CEP350: variants seen among roughly 807,000 people sequenced by gnomAD.
The protein encoded by CEP350 is centrosomal protein 350.
A neutral mutation model predicts 331.8 loss-of-function variants in CEP350; 126 were observed. The ratio of observed to expected loss-of-function variants is 0.38; its 90% CI spans 0.33 to 0.44. The LOEUF (loss-of-function observed/expected upper bound fraction) is 0.44. Ranked by LOEUF, CEP350 falls within the 20% of genes least tolerant of loss-of-function variation. The probability of loss-of-function intolerance (pLI) is 1.00; values close to 1 mark genes in which losing one functional copy is unlikely to be tolerated. For missense variants in CEP350, 3,406 were observed against 3,634.6 expected, an observed-to-expected ratio of 0.94 and a Z score of 1.62; for synonymous variants, 1,200 against 1,259.5, an observed-to-expected ratio of 0.95 and a Z score of 1.00.
intron 7 of CEP350, among the ~76,000 whole-genome samples, chr1:180,004,292 C>T (rs1036354443): frequency 6.6e-6 from 1 of 152,118 alleles, no homozygotes; most frequent in Non-Finnish European, 1.5e-5. Context: ...TCTCTTGTTA[C>T]GGTAGATGAA....
intron 37 of CEP350, among the ~76,000 whole-genome samples, chr1:180,099,293 G>A (rs1660659650): frequency 6.6e-6 from 1 of 152,148 alleles, no homozygotes; most frequent in South Asian, 2.1e-4. Context: ...GACTGCCCAT[G>A]TTTAAATCTC....
At chr1:180,066,646 G>A (rs1240375696) in intron 27 of CEP350, among the ~76,000 whole-genome samples, 2 of 152,112 alleles carry the variant, frequency 1.3e-5, no homozygotes, top group African/African-American at 4.8e-5. Context: ...AATATAAGAG[G>A]TGAAACCAAA....
At chr1:180,058,601 G>A (rs1658001754) in intron 25 of CEP350, among the ~76,000 whole-genome samples, 2 of 152,134 alleles carry the variant, frequency 1.3e-5, no homozygotes, top group African/African-American at 4.8e-5. Context: ...GGTTTCATCT[G>A]TATTTATCTA....
rs138741017 is a variant in CEP350, at chr1:180,014,311, G to A, written c.1858G>A (p.Glu620Lys). 42 of 1,591,808 alleles carry A rather than the reference G, an allele frequency of 2.6e-5. No individual in the cohort carries two copies. The highest frequency in any genetic ancestry group is 3.2e-5 in the Non-Finnish European group (37 of 1,168,880). ...KQNEEKKAQK[E>K]ATEQKNKRLQ... ...AAATGAAGAGAAGAAGGCTCAAAAG[G>A]AGGCTACAGAACAGAAAAACAAACG... Residue 620 changes from glutamate to lysine, a missense_variant, in exon 10 of 38, where the codon GAG becomes AAG. Coordinates refer to ENST00000367607, the MANE Select transcript of CEP350 (RefSeq NM_014810.5).
chr1:180,104,170 C>T (rs971362455), intron 37 of CEP350, among the ~76,000 whole-genome samples: 1 of 150,592 alleles, frequency 6.6e-6, no homozygotes, highest in African/African-American at 2.4e-5. Flanking sequence ...TTTACCATTT[C>T]TGCTGGAACT....
intron 1 of CEP350, among the ~76,000 whole-genome samples, chr1:179,959,424 C>A (rs1650421100): frequency 6.6e-6 from 1 of 152,000 alleles, no homozygotes; most frequent in Non-Finnish European, 1.5e-5. Flanking sequence ...TGCACTCCAG[C>A]CTGGGCAACA....
chr1:180,058,999 G>A (rs1658036672), intron 25 of CEP350, among the ~76,000 whole-genome samples: 1 of 152,140 alleles, frequency 6.6e-6, no homozygotes, highest in Non-Finnish European at 1.5e-5. Flanking sequence ...TTTTAATAAA[G>A]TGAATAATTC....
At chr1:180,028,578 C>G (rs1037954018) in intron 14 of CEP350, among the ~76,000 whole-genome samples, 6 of 152,048 alleles carry the variant, frequency 3.9e-5, no homozygotes, top group Non-Finnish European at 8.8e-5. Context: ...TCGTTTGATG[C>G]AGGAGTTCAA....
At chr1:180,004,213 A>G (rs940965667) in intron 7 of CEP350, among the ~76,000 whole-genome samples, 8 of 152,200 alleles carry the variant, frequency 5.3e-5, no homozygotes, top group African/African-American at 1.9e-4. Flanking sequence ...GATAATAACA[A>G]TATACCTCAT....
intron 1 of CEP350, among the ~76,000 whole-genome samples, chr1:179,963,797 C>T (rs1325118518): frequency 6.6e-6 from 1 of 151,822 alleles, no homozygotes; most frequent in African/African-American, 2.4e-5. Flanking sequence ...GTTCTTTTTG[C>T]TTGGCTATTC....
At chr1:179,973,871 T>C (rs1253141239) in intron 1 of CEP350, among the ~76,000 whole-genome samples, 1 of 152,110 alleles carries the variant, frequency 6.6e-6, no homozygotes, top group Non-Finnish European at 1.5e-5. Flanking sequence ...GTGATAAATA[T>C]GTTAATTGTT....
At chr1:179,992,528 G>A (rs958459063) in intron 5 of CEP350, among the ~76,000 whole-genome samples, 2 of 152,072 alleles carry the variant, frequency 1.3e-5, no homozygotes, top group Admixed American at 6.5e-5. Context: ...ATCTCTGGAA[G>A]TGTGGCTTTT....
intron 1 of CEP350, among the ~76,000 whole-genome samples, chr1:179,960,998 T>C (rs889540930): frequency 3.9e-5 from 6 of 152,154 alleles, no homozygotes; most frequent in African/African-American, 1.4e-4. Flanking sequence ...CCAGGACACC[T>C]ATATATATTT....
Position 180,048,656 on chromosome 1 carries a change from A to C in CEP350, c.4743A>C (p.Ala1581=). The C allele has an allele frequency of 1.1e-5, 17 of 1,612,792 alleles. No homozygotes were observed. Among genetic ancestry groups the C allele is most frequent in the Non-Finnish European group, 1.4e-5 (17 of 1,179,112 alleles). The change falls in exon 22 of 38, where the codon GCA becomes GCC. Residue 1581 remains alanine (A), a synonymous_variant. Coordinates refer to ENST00000367607, the MANE Select transcript of CEP350 (RefSeq NM_014810.5). ...SSIDEQVQTA[A]DDSLRSDSVP... ...TTGATGAACAGGTTCAGACTGCTGC[A>C]GATGATTCTCTACGAAGTGATAGTG...
At chr1:179,966,935 G>A (rs1324502994) in intron 1 of CEP350, among the ~76,000 whole-genome samples, 2 of 152,156 alleles carry the variant, frequency 1.3e-5, no homozygotes, top group Admixed American at 1.3e-4. Flanking sequence ...GTTCCTGGGA[G>A]TTGCTAGAAG....
intron 12 of CEP350, 143 bp from the exon 13 acceptor site, chr1:180,022,555 A>C: frequency 1.6e-6 from 1 of 630,650 alleles, no homozygotes. Flanking sequence ...ATCATTGGAT[A>C]TAAAGGTAAA....
chr1:179,975,142 A>C (rs1031397285), intron 1 of CEP350, among the ~76,000 whole-genome samples: 5 of 152,244 alleles, frequency 3.3e-5, no homozygotes, highest in Admixed American at 1.3e-4. Context: ...CATTCTTGCC[A>C]GATAAAATTT....
intron 22 of CEP350, among the ~76,000 whole-genome samples, chr1:180,049,409 A>G (rs1455759291): frequency 1.3e-5 from 2 of 152,306 alleles, no homozygotes; most frequent in Non-Finnish European, 2.9e-5. Context: ...AGTGACTTTA[A>G]TTTCTTTAAA....
intron 1 of CEP350, chr1:179,969,523 A>G (rs1434542885): frequency 2.3e-6 from 1 of 435,640 alleles, no homozygotes; most frequent in African/African-American, 2.0e-5. Context: ...CTGTTCTTGC[A>G]TGGACTCTTA....
Sources: gnomAD v4.1 joint callset for allele counts (sites outside exome capture counted in the v4.1 genomes callset) on GRCh38, gnomAD v4.1.1 for gene constraint, MANE v1.5 for transcripts, NCBI Gene and HGNC (gene_info 2026-07-23, HGNC 2026-07-21) for gene names.